PIAS1: variants seen among roughly 807,000 people sequenced by gnomAD.
The protein encoded by PIAS1 is E3 SUMO-protein ligase PIAS1.
A neutral mutation model predicts 71.3 loss-of-function variants in PIAS1; 6 were observed. That is an observed-to-expected ratio of 0.08 (90% CI 0.05 to 0.17). The LOEUF (loss-of-function observed/expected upper bound fraction) is 0.17, where lower values mean the gene tolerates loss of function less well. Ranked by LOEUF, PIAS1 falls within the 10% of genes least tolerant of loss-of-function variation. PIAS1 has a pLI of 1.00. For synonymous variants in PIAS1, 303 were observed against 292.9 expected (o/e 1.03, Z -0.35); for missense variants, 555 against 793.6 (o/e 0.70, Z 3.61).
intron 2 of PIAS1, among the ~76,000 whole-genome samples, chr15:68,112,646 T>C (rs1289017606): frequency 6.6e-6 from 1 of 152,300 alleles, no homozygotes; most frequent in Non-Finnish European, 1.5e-5. Flanking sequence ...GTAGTCAATT[T>C]CTAGAAAGTC....
intron 2 of PIAS1, chr15:68,087,744 GT>G (rs1223772593): frequency 1.6e-5 from 5 of 304,806 alleles, no homozygotes; most frequent in Admixed American, 3.7e-5. Flanking sequence ...ACTGGCAAGT[GT>G]TGAGAACATT....
intron 1 of PIAS1, among the ~76,000 whole-genome samples, chr15:68,073,912 G>A (rs1343152349): frequency 3.3e-5 from 5 of 152,212 alleles, no homozygotes; most frequent in African/African-American, 4.8e-5. Context: ...CTCTGAATTA[G>A]AGTGGTAATA....
intron 1 of PIAS1, among the ~76,000 whole-genome samples, chr15:68,059,195 G>C (rs1319099581): frequency 4.0e-5 from 6 of 151,720 alleles, no homozygotes; most frequent in Non-Finnish European, 8.8e-5. Context: ...TTTTAGTAGA[G>C]ACGGCGTTTC....
At chr15:68,088,917 T>G (rs1220241285) in intron 2 of PIAS1, among the ~76,000 whole-genome samples, 2 of 152,342 alleles carry the variant, frequency 1.3e-5, no homozygotes, top group African/African-American at 4.8e-5. Flanking sequence ...TCTGGAAAAT[T>G]AAATAGCTTC....
intron 2 of PIAS1, among the ~76,000 whole-genome samples, chr15:68,108,980 T>C (rs2092498240): frequency 6.6e-6 from 1 of 152,204 alleles, no homozygotes; most frequent in African/African-American, 2.4e-5. Flanking sequence ...AGTGATACTT[T>C]TAAATAAAAG....
intron 1 of PIAS1, among the ~76,000 whole-genome samples, chr15:68,058,880 CTG>C (rs1049840229): frequency 8.6e-5 from 13 of 151,914 alleles, no homozygotes; most frequent in Non-Finnish European, 1.6e-4. Context: ...AGATACAACA[CTG>C]TTTTTTATTT....
At position 68,086,181 on chromosome 15, in the gene PIAS1, T is replaced by C; in HGVS notation, c.25-125T>C. 1.6e-6 allele frequency: 1 copy of C among 631,868 alleles called. No individual in the cohort carries two copies. The highest frequency in any genetic ancestry group is 2.7e-6 in the Non-Finnish European group (1 of 369,890). The allele number at this position is 631,868 out of a possible 1,614,324, so 39.1% of individuals were successfully genotyped here. A position where few individuals can be genotyped will look rare whatever the true frequency, so the allele number is the denominator to read the frequency against. ...AATTTGAAGTTTGAAATAATAGGAT[T>C]ATAAGTGAGCTGGCCTTTATTTGCT... On this transcript the variant is annotated intron_variant, in intron 1 of 13. Coordinates refer to ENST00000249636, the MANE Select transcript of PIAS1 (RefSeq NM_016166.3). The surrounding 1 kb of genome is among the most constrained non-coding windows in gnomAD (Gnocchi z 7.2).
chr15:68,064,821 A>G (rs1257280585), intron 1 of PIAS1, among the ~76,000 whole-genome samples: 1 of 152,198 alleles, frequency 6.6e-6, no homozygotes, highest in African/African-American at 2.4e-5. Flanking sequence ...TGTTAAAGAG[A>G]TTTGCAAAAA....
Position 68,086,822 on chromosome 15 carries a change from C to A in PIAS1, c.469+72C>A. 1 of 817,096 alleles carries A rather than the reference C, an allele frequency of 1.2e-6. No homozygotes were observed. Among genetic ancestry groups the A allele is most frequent in the Non-Finnish European group, 2.0e-6 (1 of 508,706 alleles). 50.6% of individuals were successfully genotyped at this position (817,096 alleles called of 1,614,324 possible). ...TTTCGTTTTAGGCTTTTACTTTGAC[C>A]CAGTTTATTATTCATAATGAAATTT... On this transcript the variant is annotated intron_variant, in intron 2 of 13. Transcript: ENST00000249636. This position sits in a 1 kb window ranked among gnomAD's most constrained non-coding sequence, Gnocchi z 7.2.
chr15:68,089,554 T>G (rs1459963572), intron 2 of PIAS1, among the ~76,000 whole-genome samples: 1 of 152,176 alleles, frequency 6.6e-6, no homozygotes, highest in Non-Finnish European at 1.5e-5. Flanking sequence ...TAACATTTAT[T>G]TTTTATTTTT....
intron 2 of PIAS1, among the ~76,000 whole-genome samples, chr15:68,123,983 T>TACAC (rs10624056): frequency 0.3 from 45,448 of 151,058 alleles, 7,310 homozygotes; most frequent in Middle Eastern, 0.39. Context: ...TGTGTGAATA[T>TACAC]ACACACACAC....
intron 2 of PIAS1, among the ~76,000 whole-genome samples, chr15:68,102,569 A>G (rs976724365): frequency 6.6e-6 from 1 of 152,232 alleles, no homozygotes; most frequent in Non-Finnish European, 1.5e-5. Context: ...GCCTTCCAGT[A>G]TATGAACATG....
intron 9 of PIAS1, among the ~76,000 whole-genome samples, chr15:68,175,368 T>C (rs572618066): frequency 1.6e-4 from 25 of 152,334 alleles, no homozygotes; most frequent in African/African-American, 6.0e-4. Context: ...AACTACTGTC[T>C]ATATACTACT....
At chr15:68,104,437 C>G (rs1256986006) in intron 2 of PIAS1, among the ~76,000 whole-genome samples, 7 of 152,108 alleles carry the variant, frequency 4.6e-5, no homozygotes, top group Non-Finnish European at 7.4e-5. Flanking sequence ...CTACCAACAT[C>G]AACAACTTTT....
At chr15:68,180,948 T>G (rs2093050302) in intron 11 of PIAS1, among the ~76,000 whole-genome samples, 1 of 152,212 alleles carries the variant, frequency 6.6e-6, no homozygotes, top group Non-Finnish European at 1.5e-5. Context: ...TAGGTGATGA[T>G]ATTCCAAAGG....
intron 1 of PIAS1, among the ~76,000 whole-genome samples, chr15:68,076,868 C>T (rs1013695024): frequency 6.6e-6 from 1 of 152,070 alleles, no homozygotes; most frequent in Non-Finnish European, 1.5e-5. Context: ...TTGAAAAACT[C>T]AAAATCTATG....
At chr15:68,164,183 G>T (rs2092942182) in intron 7 of PIAS1, among the ~76,000 whole-genome samples, 1 of 151,896 alleles carries the variant, frequency 6.6e-6, no homozygotes, top group Admixed American at 6.6e-5. Context: ...ATTTTATAGA[G>T]AAATAGATTA....
intron 2 of PIAS1, among the ~76,000 whole-genome samples, chr15:68,128,403 C>T (rs1375798094): frequency 6.6e-6 from 1 of 152,166 alleles, no homozygotes; most frequent in African/African-American, 2.4e-5. Flanking sequence ...CTGCCTCGGC[C>T]TCCCAAAGTG....
At chr15:68,097,978 A>G (rs1223203608) in intron 2 of PIAS1, among the ~76,000 whole-genome samples, 2 of 152,158 alleles carry the variant, frequency 1.3e-5, no homozygotes, top group Non-Finnish European at 2.9e-5. Flanking sequence ...TTACATGAGT[A>G]TAGGGCTCTA....
Sources: gnomAD v4.1 joint callset for allele counts (sites outside exome capture counted in the v4.1 genomes callset) on GRCh38, gnomAD v4.1.1 for gene constraint, Gnocchi (gnomAD v3.1) non-coding constraint, MANE v1.5 for transcripts, NCBI Gene and HGNC (gene_info 2026-07-23, HGNC 2026-07-21) for gene names.